The following LRCH1 variants were observed in gnomAD, a reference collection of about 807,000 sequenced individuals.
The protein encoded by LRCH1 is leucine rich repeats and calponin homology domain containing 1.
Under a neutral mutation model 94.9 loss-of-function variants are expected in LRCH1, and 23 were observed. The observed-to-expected ratio is 0.24, with a 90% CI of 0.17 to 0.34. The LOEUF (loss-of-function observed/expected upper bound fraction) is 0.34, where lower values mean the gene tolerates loss of function less well. LRCH1 is among the 10% of genes least tolerant of loss of function. The pLI, the probability that LRCH1 is intolerant of heterozygous loss-of-function variation, is 1.00. For synonymous variants in LRCH1, 364 were observed against 354.9 expected (o/e 1.03, Z -0.29); for missense variants, 790 against 945.9 (o/e 0.84, Z 2.16).
intron 2 of LRCH1, among the ~76,000 whole-genome samples, chr13:46,659,159 T>C (rs1332455668): frequency 7.0e-6 from 1 of 142,766 alleles, no homozygotes; most frequent in African/African-American, 2.6e-5. Context: ...CTCCAAATAC[T>C]TCAGATTTAT....
chr13:46,619,869 T>A (rs1307998993), intron 1 of LRCH1, among the ~76,000 whole-genome samples: 1 of 152,188 alleles, frequency 6.6e-6, no homozygotes, highest in Non-Finnish European at 1.5e-5. Context: ...ATACCCACGT[T>A]CTCAGTCCTT....
At chr13:46,571,963 G>A (rs528241796) in intron 1 of LRCH1, among the ~76,000 whole-genome samples, 3 of 152,164 alleles carry the variant, frequency 2.0e-5, no homozygotes, top group East Asian at 1.9e-4. Context: ...TTTGAACGGC[G>A]ATGCCCACAG....
chr13:46,577,253 T>C (rs775699595), intron 1 of LRCH1, among the ~76,000 whole-genome samples: 1 of 152,116 alleles, frequency 6.6e-6, no homozygotes, highest in African/African-American at 2.4e-5. Flanking sequence ...CACGCCACCA[T>C]GCCTGGCTAA....
At chr13:46,652,055 GTTTTTTTTT>G (rs71077910) in intron 2 of LRCH1, among the ~76,000 whole-genome samples, 1 of 56,026 alleles carries the variant, frequency 1.8e-5, no homozygotes, top group African/African-American at 7.5e-5. Flanking sequence ...GCCTGCTGAT[GTTTTTTTTT>G]TTTTTTTTTT....
chr13:46,660,662 T>G (rs537884033), intron 2 of LRCH1, among the ~76,000 whole-genome samples: 1 of 152,350 alleles, frequency 6.6e-6, no homozygotes, highest in Non-Finnish European at 1.5e-5. Flanking sequence ...TCCTGGTCAC[T>G]TTTCTACTTC....
intron 1 of LRCH1, among the ~76,000 whole-genome samples, chr13:46,616,950 G>A (rs938947913): frequency 3.9e-5 from 6 of 152,240 alleles, no homozygotes; most frequent in Non-Finnish European, 7.3e-5. Context: ...TCTTAAGGGT[G>A]GGGGAGATTA....
At chr13:46,644,569 G>A (rs2051198209) in intron 1 of LRCH1, among the ~76,000 whole-genome samples, 1 of 152,326 alleles carries the variant, frequency 6.6e-6, no homozygotes, top group Non-Finnish European at 1.5e-5. Context: ...ATGCCGATCT[G>A]GGCAACTGTT....
chr13:46,653,226 G>A (rs946418615), intron 2 of LRCH1, among the ~76,000 whole-genome samples: 1 of 152,170 alleles, frequency 6.6e-6, no homozygotes, highest in Non-Finnish European at 1.5e-5. Flanking sequence ...CTTCCTGGTT[G>A]CATCTGTTTT....
At chr13:46,694,566 A>G (rs1485216087) in intron 8 of LRCH1, among the ~76,000 whole-genome samples, 1 of 152,224 alleles carries the variant, frequency 6.6e-6, no homozygotes, top group Non-Finnish European at 1.5e-5. Context: ...TATGAAATAC[A>G]TAGTAACATA....
intron 19 of LRCH1, 91 bp from the exon 20 acceptor site, chr13:46,741,551 C>T (rs888459436): frequency 2.6e-6 from 4 of 1,549,344 alleles, no homozygotes; most frequent in East Asian, 2.3e-5. Context: ...TGCTAGTAAC[C>T]AAAAATGTGT....
At chr13:46,670,126 C>T (rs1320038887) in intron 3 of LRCH1, among the ~76,000 whole-genome samples, 1 of 152,218 alleles carries the variant, frequency 6.6e-6, no homozygotes, top group Non-Finnish European at 1.5e-5. Flanking sequence ...GCACCCATGT[C>T]ACATACGTAT....
chr13:46,705,495 C>T (rs1425435791), intron 13 of LRCH1, 191 bp downstream of exon 13: 6 of 707,330 alleles, frequency 8.5e-6, no homozygotes, highest in Non-Finnish European at 1.6e-5. Context: ...TCTGCTATAC[C>T]TCACCCTCTG....
chr13:46,717,188 G>C (rs1303721895), intron 16 of LRCH1, among the ~76,000 whole-genome samples: 1 of 152,112 alleles, frequency 6.6e-6, no homozygotes, highest in East Asian at 1.9e-4. Flanking sequence ...TGAGGTGGAG[G>C]TGAAGCTGCA....
chr13:46,555,544 G>A (rs2050054430), intron 1 of LRCH1, among the ~76,000 whole-genome samples: 1 of 152,078 alleles, frequency 6.6e-6, no homozygotes, highest in Non-Finnish European at 1.5e-5. Context: ...AAGTGTTCTT[G>A]TTGGCTTGTT....
Position 46,702,212 on chromosome 13 carries a change from T to G in LRCH1, c.1400+1005T>G, listed in dbSNP as rs1197655198. ...AGAGATTGCCTTGAGAAGTTATAAG[T>G]GTAACTGGGCCAGGCGCGGTGGCTC... On this transcript the variant is annotated intron_variant, in intron 11 of 19. Coordinates refer to ENST00000389797, the MANE Select transcript of LRCH1 (RefSeq NM_001164211.2). Among the ~76,000 whole-genome samples the G allele has an allele frequency of 3.3e-5, 5 of 152,266 alleles. No individual in the cohort carries two copies. In the East Asian group the frequency reaches 5.8e-4, roughly 18 times the overall value.
At chr13:46,705,237 T>C in intron 12 of LRCH1, 31 bp from the exon 13 acceptor site, 1 of 1,510,306 alleles carries the variant, frequency 6.6e-7, no homozygotes, top group Admixed American at 2.0e-5. Flanking sequence ...TTTCACTTTG[T>C]ATCTTTTTTT....
intron 13 of LRCH1, among the ~76,000 whole-genome samples, chr13:46,709,759 A>G (rs1218703937): frequency 2.0e-5 from 3 of 151,900 alleles, no homozygotes; most frequent in African/African-American, 4.8e-5. Flanking sequence ...AGTATTTGGT[A>G]TAAGGAATTC....
intron 17 of LRCH1, among the ~76,000 whole-genome samples, chr13:46,728,156 A>G (rs1490966167): frequency 6.6e-6 from 1 of 151,864 alleles, no homozygotes; most frequent in Admixed American, 6.6e-5. Flanking sequence ...GAGCTCAGGC[A>G]TCTCCCCACC....
At chr13:46,653,663 G>GA (rs139829318) in intron 2 of LRCH1, among the ~76,000 whole-genome samples, 1,963 of 148,074 alleles carry the variant, frequency 0.013, 36 homozygotes, top group African/African-American at 0.045. Flanking sequence ...TGTCTCTACT[G>GA]AAAAAAAAAA....
Sources: gnomAD v4.1 joint callset for allele counts (sites outside exome capture counted in the v4.1 genomes callset) on GRCh38, gnomAD v4.1.1 for gene constraint, MANE v1.5 for transcripts, NCBI Gene and HGNC (gene_info 2026-07-23, HGNC 2026-07-21) for gene names.